The following FOXP1 variants were observed in gnomAD, a reference collection of about 807,000 sequenced individuals.
FOXP1 encodes the protein forkhead box P1, also known as forkhead box protein P1.
FOXP1 carries 15 observed loss-of-function variants against 98.2 expected under a neutral mutation model. That is an observed-to-expected ratio of 0.15 (90% CI 0.10 to 0.24). The LOEUF (loss-of-function observed/expected upper bound fraction) is 0.24, where lower values mean the gene tolerates loss of function less well. FOXP1 is among the 10% of genes least tolerant of loss of function. FOXP1 has a pLI of 1.00. For synonymous variants in FOXP1, 371 were observed against 314.5 expected (o/e 1.18, Z -1.90); for missense variants, 633 against 848.5 (o/e 0.75, Z 3.15).
At chr3:71,475,750 G>A (rs962536864) in intron 3 of FOXP1, among the ~76,000 whole-genome samples, 1 of 152,146 alleles carries the variant, frequency 6.6e-6, no homozygotes, top group East Asian at 1.9e-4. Context: ...GCTGAAGTAG[G>A]AGAATCGATT....
At chr3:71,410,783 G>A (rs1455360123) in intron 3 of FOXP1, among the ~76,000 whole-genome samples, 1 of 152,202 alleles carries the variant, frequency 6.6e-6, no homozygotes, top group Non-Finnish European at 1.5e-5. Context: ...AAAGTTGAAA[G>A]ACACATCATA....
intron 4 of FOXP1, among the ~76,000 whole-genome samples, chr3:71,315,800 CAG>C (rs1156242596): frequency 6.6e-6 from 1 of 152,206 alleles, no homozygotes; most frequent in African/African-American, 2.4e-5. Context: ...GGCCAGAGAA[CAG>C]AAGGAGAAGT....
chr3:71,250,947 G>GA lies in FOXP1; in HGVS notation c.-12+48872dup, dbSNP rs199671006. ...CTGTGTCTCAAAAAAAAGAAAGAAAGAAAAAAAAATGTTTTTGGTAATGAC... is the reference window on the plus strand; with the variant it reads ...CTGTGTCTCAAAAAAAAGAAAGAAAGAAAAAAAAAATGTTTTTGGTAATGAC... On this transcript the variant is annotated intron_variant, in intron 5 of 20. Coordinates refer to ENST00000649528, the MANE Select transcript of FOXP1 (RefSeq NM_001349338.3). Among the ~76,000 whole-genome samples the GA allele has an allele frequency of 1.7e-4, 25 of 150,376 alleles. No individual in the cohort carries two copies. The East Asian group carries it at 3.1e-3, about 19-fold the overall frequency.
intron 5 of FOXP1, among the ~76,000 whole-genome samples, chr3:71,256,509 G>A (rs993562800): frequency 7.9e-5 from 12 of 152,166 alleles, no homozygotes; most frequent in East Asian, 1.9e-4. Flanking sequence ...GCAGCCTCCC[G>A]AGTAGCTGGG....
intron 4 of FOXP1, among the ~76,000 whole-genome samples, chr3:71,302,256 T>A (rs959327388): frequency 6.6e-6 from 1 of 152,130 alleles, no homozygotes; most frequent in African/African-American, 2.4e-5. Context: ...TGTGTCAATA[T>A]AATAGACAAG....
At chr3:71,475,756 C>T (rs577223176) in intron 3 of FOXP1, among the ~76,000 whole-genome samples, 8 of 152,000 alleles carry the variant, frequency 5.3e-5, no homozygotes, top group African/African-American at 1.7e-4. Flanking sequence ...GTAGGAGAAT[C>T]GATTGAACCC....
At chr3:71,112,401 T>TG in intron 7 of FOXP1, 135 bp downstream of exon 7, 1 of 745,046 alleles carries the variant, frequency 1.3e-6, no homozygotes, top group Non-Finnish European at 2.3e-6. Flanking sequence ...TACAACTTGC[T>TG]GGTAAACCAA....
intron 4 of FOXP1, among the ~76,000 whole-genome samples, chr3:71,306,642 A>G (rs890673918): frequency 1.4e-5 from 2 of 147,962 alleles, no homozygotes; most frequent in Non-Finnish European, 3.0e-5. Context: ...AAAAAAAAAA[A>G]AAAAAAAAAA....
intron 5 of FOXP1, among the ~76,000 whole-genome samples, chr3:71,274,705 C>G (rs909192193): frequency 6.6e-6 from 1 of 152,098 alleles, no homozygotes; most frequent in South Asian, 2.1e-4. Flanking sequence ...CATACGGAAT[C>G]GAAAGTCAGG....
chr3:71,537,248 C>T (rs539535780), intron 2 of FOXP1, among the ~76,000 whole-genome samples: 24 of 152,316 alleles, frequency 1.6e-4, no homozygotes, highest in Non-Finnish European at 4.4e-5. Flanking sequence ...GCCAGCAAGG[C>T]GAACTCAGTT....
chr3:71,270,606 T>C (rs1485145101), intron 5 of FOXP1, among the ~76,000 whole-genome samples: 1 of 152,208 alleles, frequency 6.6e-6, no homozygotes, highest in African/African-American at 2.4e-5. Context: ...GAAAATTTCG[T>C]CTTAACAACC....
intron 3 of FOXP1, among the ~76,000 whole-genome samples, chr3:71,367,584 C>T (rs890912512): frequency 2.0e-5 from 3 of 152,028 alleles, no homozygotes; most frequent in Non-Finnish European, 2.9e-5. Context: ...TCCTGAGAAC[C>T]GTGATGCTGA....
intron 3 of FOXP1, among the ~76,000 whole-genome samples, chr3:71,476,278 TA>T (rs55764199): frequency 6.6e-6 from 1 of 152,184 alleles, no homozygotes. Flanking sequence ...TTTTCTTTTT[TA>T]AATATAAATT....
chr3:71,557,385 T>TAA (rs778929848), intron 2 of FOXP1, among the ~76,000 whole-genome samples: 10 of 130,452 alleles, frequency 7.7e-5, no homozygotes, highest in African/African-American at 1.7e-4. Flanking sequence ...TTAAAAAAAG[T>TAA]AAAAAAAAAA....
chr3:71,078,052 G>A (rs546662917), intron 7 of FOXP1, among the ~76,000 whole-genome samples: 92 of 152,208 alleles, frequency 6.0e-4, no homozygotes, highest in African/African-American at 2.2e-3. Context: ...GGCTGCTCTC[G>A]AACTCCTGAC....
chr3:70,967,096 C>T lies in FOXP1; in HGVS notation c.1723-1040G>A, dbSNP rs989775496. On this transcript the variant is annotated intron_variant, in intron 19 of 20. Transcript: ENST00000649528. ...CCTCCTGCAGACTAGACTATGCCTG[C>T]TTTTCCATCCTAATGAGAAGAAAAG... Among the ~76,000 whole-genome samples the T allele has an allele frequency of 2.0e-5, 3 of 152,296 alleles. No individual in the cohort carries two copies. The South Asian group carries it at 6.2e-4, about 32-fold the overall frequency.
intron 7 of FOXP1, among the ~76,000 whole-genome samples, chr3:71,101,936 G>A (rs2057002366): frequency 6.6e-6 from 1 of 152,172 alleles, no homozygotes; most frequent in African/African-American, 2.4e-5. Flanking sequence ...GCCCAACTGT[G>A]TCCAGCAGCT....
intron 6 of FOXP1, among the ~76,000 whole-genome samples, chr3:71,176,521 T>C (rs911259877): frequency 3.9e-5 from 6 of 152,250 alleles, no homozygotes; most frequent in Non-Finnish European, 7.4e-5. Flanking sequence ...TTATTGCCTA[T>C]AGCATGCTGC....
chr3:71,052,497 G>A (rs1369240922), intron 9 of FOXP1, 40 bp downstream of exon 9: 1 of 887,526 alleles, frequency 1.1e-6, no homozygotes, highest in Non-Finnish European at 1.9e-6. Flanking sequence ...ATAGTCCTCT[G>A]GGATCTGTGG....
Sources: allele counts gnomAD v4.1 joint callset (sites outside exome capture counted in the v4.1 genomes callset), GRCh38; gene constraint gnomAD v4.1.1; transcripts MANE v1.5; gene names NCBI Gene and HGNC (gene_info 2026-07-23, HGNC 2026-07-21).